Variants in PDE4D observed in about 807,000 individuals in gnomAD.
PDE4D encodes phosphodiesterase 4D.
PDE4D carries 24 observed loss-of-function variants against 87.4 expected under a neutral mutation model. The observed-to-expected ratio is 0.27, with a 90% CI of 0.20 to 0.39. The LOEUF (loss-of-function observed/expected upper bound fraction) is 0.39, where lower values mean the gene tolerates loss of function less well. Ranked by LOEUF, PDE4D falls within the 10% of genes least tolerant of loss-of-function variation. The pLI is 1.00. For synonymous variants in PDE4D, 384 were observed against 383.2 expected (o/e 1.00, Z -0.02); for missense variants, 714 against 1,041.0 (o/e 0.69, Z 4.32).
At chr5:59,629,438 TTGGACACAGAGACATGAAGGGAAATG>T (rs1409330635) in intron 1 of PDE4D, among the ~76,000 whole-genome samples, 1 of 151,550 alleles carries the variant, frequency 6.6e-6, no homozygotes, top group Non-Finnish European at 1.5e-5. Context: ...AAAGAGAAAT[TTGGACACAGAGACATGAAGGGAAATG>T]TGGACACAGA....
rs533546182 is a variant in PDE4D, at chr5:59,163,027, G to A, written c.808+17568C>T. ...GGCATGATCTCACCTCTGCCTCCCG[G>A]GTTCAAGCCATTTTCGTGCCTCAGC... On this transcript the variant is annotated intron_variant, in intron 5 of 14. Transcript: ENST00000340635. 4.7e-3 allele frequency among the ~76,000 whole-genome samples: 707 copies of A among 151,364 alleles called. 5 individuals carry two copies. Among genetic ancestry groups the A allele is most frequent in the African/African-American group, 0.017 (684 of 41,242 alleles).
At chr5:60,178,477 T>TA (rs374531781) in intron 2 of PDE4D, among the ~76,000 whole-genome samples, 18 of 152,298 alleles carry the variant, frequency 1.2e-4, no homozygotes, top group African/African-American at 4.3e-4. Flanking sequence ...TCAGCCCTTA[T>TA]ATGCAGACAT....
intron 1 of PDE4D, among the ~76,000 whole-genome samples, chr5:59,231,113 A>C (rs2153516836): frequency 6.6e-6 from 1 of 152,318 alleles, no homozygotes; most frequent in African/African-American, 2.4e-5. Flanking sequence ...AAAAGTTTTA[A>C]GATGTTGGAT....
chr5:60,337,221 T>C (rs1266438117), intron 1 of PDE4D, among the ~76,000 whole-genome samples: 1 of 149,434 alleles, frequency 6.7e-6, no homozygotes, highest in Non-Finnish European at 1.5e-5. Flanking sequence ...TAATCGTAGC[T>C]ACTTGGGAGG....
chr5:59,209,532 T>C (rs549823179), intron 2 of PDE4D, among the ~76,000 whole-genome samples: 173 of 152,300 alleles, frequency 1.1e-3, no homozygotes, highest in Middle Eastern at 3.4e-3. Flanking sequence ...CTAATCCAAA[T>C]ATTTTCAGAC....
chr5:59,160,660 G>A (rs1780933117), intron 5 of PDE4D, among the ~76,000 whole-genome samples: 1 of 152,000 alleles, frequency 6.6e-6, no homozygotes, highest in African/African-American at 2.4e-5. Flanking sequence ...GTGATTTTAA[G>A]GAACAGACAA....
Position 59,396,927 on chromosome 5 carries a change from G to T in PDE4D, c.456-180959C>A, listed in dbSNP as rs1387170981. Among the ~76,000 whole-genome samples, 3 of 115,350 alleles carry T rather than the reference G, an allele frequency of 2.6e-5. 1 individual carries two copies. The highest frequency in any genetic ancestry group is 5.4e-5 in the Non-Finnish European group (3 of 55,204). 75.7% of individuals were successfully genotyped at this position (115,350 alleles called of 152,430 possible). A position where few individuals can be genotyped will look rare whatever the true frequency, so the allele number is the denominator to read the frequency against. On this transcript the variant is annotated intron_variant, in intron 1 of 14. Transcript: ENST00000340635. ...TGGAAAACAAAAAAAGGCAGGGGTT[G>T]CAATCCTGGTCTCTGATAAAACAGA...
intron 1 of PDE4D, among the ~76,000 whole-genome samples, chr5:59,763,944 T>C (rs565721824): frequency 2.0e-5 from 3 of 152,288 alleles, no homozygotes; most frequent in African/African-American, 7.2e-5. Flanking sequence ...AATAGAAATC[T>C]GTTCCTTGAA....
chr5:59,627,608 G>T (rs1267405620), intron 1 of PDE4D, among the ~76,000 whole-genome samples: 1 of 152,158 alleles, frequency 6.6e-6, no homozygotes, highest in Non-Finnish European at 1.5e-5. Context: ...TCAGGATTCA[G>T]TAACACATTG....
At chr5:59,405,018 T>C (rs1188584324) in intron 1 of PDE4D, among the ~76,000 whole-genome samples, 1 of 152,220 alleles carries the variant, frequency 6.6e-6, no homozygotes, top group Non-Finnish European at 1.5e-5. Context: ...GGTAATATGA[T>C]TCCTCCAGTT....
intron 1 of PDE4D, among the ~76,000 whole-genome samples, chr5:59,301,740 A>T (rs1010770152): frequency 1.1e-4 from 16 of 152,082 alleles, no homozygotes; most frequent in African/African-American, 3.9e-4. Context: ...TCTTCATGTT[A>T]CTTAGGCAGA....
intron 1 of PDE4D, among the ~76,000 whole-genome samples, chr5:59,877,479 TAAA>T (rs70975344): frequency 0.024 from 2,437 of 102,348 alleles, 19 homozygotes; most frequent in Non-Finnish European, 0.034. Context: ...TGCCAGAACC[TAAA>T]AAAAAAAAAA....
Position 59,689,123 on chromosome 5 carries a change from C to A in PDE4D, c.455+204045G>T, listed in dbSNP as rs1280330709. 2.6e-5 allele frequency among the ~76,000 whole-genome samples: 4 copies of A among 152,238 alleles called. No individual in the cohort carries two copies. The South Asian group carries it at 8.3e-4, about 32-fold the overall frequency. ...AGTCCAGGACCAGAGGGATTCACAG[C>A]CGAATTCTACCAGAGATACAAAAAG... On this transcript the variant is annotated intron_variant, in intron 1 of 14. Coordinates refer to ENST00000340635, the MANE Select transcript of PDE4D (RefSeq NM_001104631.2).
chr5:60,445,513 A>G (rs1745577338), intron 1 of PDE4D, among the ~76,000 whole-genome samples: 1 of 152,180 alleles, frequency 6.6e-6, no homozygotes, highest in Non-Finnish European at 1.5e-5. Flanking sequence ...TGTAAAATAA[A>G]GAAACTGGAA....
At chr5:59,082,055 TGAGGTCTCCCCA>T (rs1420653572) in intron 5 of PDE4D, among the ~76,000 whole-genome samples, 1 of 152,174 alleles carries the variant, frequency 6.6e-6, no homozygotes, top group Non-Finnish European at 1.5e-5. Context: ...ATAAGTTTCC[TGAGGTCTCCCCA>T]GCCATGCAGA....
At chr5:60,486,601 G>A (rs998251449) in intron 1 of PDE4D, among the ~76,000 whole-genome samples, 1 of 152,084 alleles carries the variant, frequency 6.6e-6, no homozygotes, top group Non-Finnish European at 1.5e-5. Flanking sequence ...ACAAAATTAT[G>A]CAAAACACAA....
chr5:60,289,727 C>T (rs954519849), intron 1 of PDE4D, among the ~76,000 whole-genome samples: 6 of 152,104 alleles, frequency 3.9e-5, no homozygotes, highest in Non-Finnish European at 8.8e-5. Context: ...AAAGTTTCAT[C>T]CAAGAATGCA....
intron 5 of PDE4D, among the ~76,000 whole-genome samples, chr5:59,056,256 C>G (rs997028618): frequency 1.3e-5 from 2 of 152,068 alleles, no homozygotes; most frequent in African/African-American, 4.8e-5. Context: ...TCTTTTCTTT[C>G]CCCAGTTCTC....
intron 6 of PDE4D, among the ~76,000 whole-genome samples, chr5:59,026,342 A>T (rs887516319): frequency 6.6e-6 from 1 of 152,212 alleles, no homozygotes; most frequent in Admixed American, 6.5e-5. Flanking sequence ...AAAGAAAAAG[A>T]AAAAAACCTT....
Sources: gnomAD v4.1 joint callset for allele counts (sites outside exome capture counted in the v4.1 genomes callset) on GRCh38, gnomAD v4.1.1 for gene constraint, MANE v1.5 for transcripts, NCBI Gene and HGNC (gene_info 2026-07-23, HGNC 2026-07-21) for gene names.